MACROH2A2: variants seen among roughly 807,000 people sequenced by gnomAD.
The protein encoded by MACROH2A2 is core histone macro-H2A.2.
MACROH2A2 carries 6 observed loss-of-function variants against 37.6 expected under a neutral mutation model. The observed-to-expected ratio is 0.16, with a 90% CI of 0.09 to 0.32. The LOEUF (loss-of-function observed/expected upper bound fraction) is 0.32. Ranked by LOEUF, MACROH2A2 falls within the 10% of genes least tolerant of loss-of-function variation. The pLI is 1.00. For synonymous variants in MACROH2A2, 192 were observed against 202.7 expected, an observed-to-expected ratio of 0.95 and a Z score of 0.45; for missense variants, 290 against 485.9, an observed-to-expected ratio of 0.60 and a Z score of 3.79.
intron 1 of MACROH2A2, among the ~76,000 whole-genome samples, chr10:70,064,554 C>G (rs909179997): frequency 1.8e-4 from 28 of 151,832 alleles, no homozygotes; most frequent in Admixed American, 3.3e-4. Flanking sequence ...AATTGTGTCT[C>G]CCAGAATTCC....
At chr10:70,069,609 A>C (rs1366001964) in intron 1 of MACROH2A2, among the ~76,000 whole-genome samples, 1 of 152,106 alleles carries the variant, frequency 6.6e-6, no homozygotes, top group African/African-American at 2.4e-5. Flanking sequence ...ATTCTCTCCA[A>C]ACATGTAAAC....
At chr10:70,058,653 T>TAC (rs1491451459) in intron 1 of MACROH2A2, among the ~76,000 whole-genome samples, 10 of 140,752 alleles carry the variant, frequency 7.1e-5, no homozygotes, top group East Asian at 4.3e-4. Flanking sequence ...TATATATATA[T>TAC]ACACACACAC....
At chr10:70,089,429 G>C (rs140607683) in intron 2 of MACROH2A2, among the ~76,000 whole-genome samples, 1 of 152,126 alleles carries the variant, frequency 6.6e-6, no homozygotes, top group Non-Finnish European at 1.5e-5. Flanking sequence ...TCCAGCCATC[G>C]TGTCCTCAGC....
At chr10:70,068,802 A>G (rs539485898) in intron 1 of MACROH2A2, among the ~76,000 whole-genome samples, 58 of 152,284 alleles carry the variant, frequency 3.8e-4, no homozygotes, top group African/African-American at 1.3e-3. Context: ...GCCCCAGTGT[A>G]CCCTGGTGCA....
Position 70,109,150 on chromosome 10 carries a change from C to T in MACROH2A2, c.896C>T (p.Ser299Leu), listed in dbSNP as rs1437861052. Residue 299 changes from serine (S) to leucine (L), a missense_variant, in exon 8 of 9, where the codon TCA becomes TTA. Around this residue, in one of 3 missense-constraint regions of MACROH2A2, gnomAD observed 130 missense variants for 257.1 expected, o/e 0.51. Coordinates refer to ENST00000373255, the MANE Select transcript of MACROH2A2 (RefSeq NM_018649.3). ...QLEETIKNCL[S>L]AAEDKKLKSV... ...GAAGAGACCATCAAAAACTGCCTGTCAGCGGCGGAGGACAAGAAGCTAAAG... is the reference window on the plus strand; with the variant it reads ...GAAGAGACCATCAAAAACTGCCTGTTAGCGGCGGAGGACAAGAAGCTAAAG... 2 of 1,614,070 alleles carry T rather than the reference C, an allele frequency of 1.2e-6. No individual in the cohort carries two copies. The highest frequency in any genetic ancestry group is 2.7e-5 in the African/African-American group (2 of 74,946).
intron 2 of MACROH2A2, among the ~76,000 whole-genome samples, chr10:70,088,764 A>T (rs1011689873): frequency 6.6e-6 from 1 of 152,060 alleles, no homozygotes; most frequent in East Asian, 1.9e-4. Flanking sequence ...CCTTCCATCC[A>T]CTTTTCTTTT....
At chr10:70,077,575 C>T (rs529060038) in intron 2 of MACROH2A2, among the ~76,000 whole-genome samples, 4 of 146,646 alleles carry the variant, frequency 2.7e-5, no homozygotes, top group South Asian at 2.2e-4. Flanking sequence ...AGCGAGACTC[C>T]GTCTCAAAAA....
At chr10:70,101,658 A>G (rs1477322038) in intron 7 of MACROH2A2, among the ~76,000 whole-genome samples, 1 of 143,374 alleles carries the variant, frequency 7.0e-6, no homozygotes, top group Non-Finnish European at 1.5e-5. Context: ...AGTCATGCCC[A>G]GTGCCCCCCT....
rs1278802072 is a variant in MACROH2A2 at position 70,053,956 on chromosome 10, C to T, written c.-60+956C>T. Among the ~76,000 whole-genome samples the T allele has an allele frequency of 6.6e-6, 1 of 152,220 alleles. No homozygotes were observed. Among genetic ancestry groups the T allele is most frequent in the Non-Finnish European group, 1.5e-5 (1 of 68,020 alleles). On this transcript the variant is annotated intron_variant, in intron 1 of 8. Transcript: ENST00000373255. This position sits in a 1 kb window ranked among gnomAD's most constrained non-coding sequence, Gnocchi z 4.8. ...CGCGGCGGTTGGGGACCAGCCCTGCCTCCCCCGGCTCCCAGCCTCCAGCCC... is the reference window on the plus strand; with the variant it reads ...CGCGGCGGTTGGGGACCAGCCCTGCTTCCCCCGGCTCCCAGCCTCCAGCCC...
At chr10:70,095,583 CA>C (rs1286192439) in intron 5 of MACROH2A2, 70 bp from the exon 6 acceptor site, 1 of 779,260 alleles carries the variant, frequency 1.3e-6, no homozygotes, top group African/African-American at 1.7e-5. Context: ...TTAATGAATG[CA>C]AGTAAAATAT....
chr10:70,084,278 A>G (rs1212726704), intron 2 of MACROH2A2, among the ~76,000 whole-genome samples: 2 of 152,242 alleles, frequency 1.3e-5, no homozygotes, highest in Non-Finnish European at 2.9e-5. Context: ...ACACGGCACA[A>G]GAACACACAT....
chr10:70,091,914 G>T lies in MACROH2A2; in HGVS notation c.437G>T (p.Gly146Val), dbSNP rs756357929. Reference sequence around the variant, plus strand: ...AAGGCCACGTCAGGCAAGAAGGGGGGGAAGAAATCCAAGGCTGCCAAACCA... The same window carrying T: ...AAGGCCACGTCAGGCAAGAAGGGGGTGAAGAAATCCAAGGCTGCCAAACCA... ...GRKATSGKKG[G>V]KKSKAAKPRT... The change falls in exon 4 of 9, where the codon GGG becomes GTG. Residue 146 changes from glycine (G) to valine (V), a missense_variant. Gly to Val is a moderately radical substitution (Grantham distance 109). Around this residue, in one of 3 missense-constraint regions of MACROH2A2, gnomAD observed 77 missense variants for 68.9 expected, o/e 1.12. Coordinates refer to ENST00000373255, the MANE Select transcript of MACROH2A2 (RefSeq NM_018649.3). 6.2e-7 allele frequency: 1 copy of T among 1,613,944 alleles called. No individual in the cohort carries two copies. Among genetic ancestry groups the T allele is most frequent in the South Asian group, 1.1e-5 (1 of 91,072 alleles).
At chr10:70,056,248 G>A (rs1447792806) in intron 1 of MACROH2A2, among the ~76,000 whole-genome samples, 2 of 151,804 alleles carry the variant, frequency 1.3e-5, no homozygotes, top group Admixed American at 6.6e-5. Context: ...TGTTTTTTTT[G>A]TTTGTTTTGT....
At chr10:70,091,629 G>A (rs369685947) in intron 3 of MACROH2A2, 128 bp from the exon 4 acceptor site, 47 of 639,462 alleles carry the variant, frequency 7.3e-5, no homozygotes, top group East Asian at 3.7e-4. Context: ...AGCCAAGATC[G>A]CGCCACTGCA....
intron 1 of MACROH2A2, among the ~76,000 whole-genome samples, chr10:70,062,618 C>T (rs1010677085): frequency 2.6e-5 from 4 of 152,158 alleles, no homozygotes; most frequent in Non-Finnish European, 5.9e-5. Context: ...TAAGCCGTCT[C>T]GTGAGTCTAG....
At chr10:70,055,365 A>G (rs2072008671) in intron 1 of MACROH2A2, among the ~76,000 whole-genome samples, 4 of 152,228 alleles carry the variant, frequency 2.6e-5, no homozygotes, top group Admixed American at 2.6e-4. Flanking sequence ...TTGTGGTTAG[A>G]GATCATTCAA....
At chr10:70,110,620 ACG>A (rs2072366017) in intron 8 of MACROH2A2, among the ~76,000 whole-genome samples, 1 of 152,214 alleles carries the variant, frequency 6.6e-6, no homozygotes, top group Non-Finnish European at 1.5e-5. Flanking sequence ...ACGGTGGCTC[ACG>A]CCTGTAAATC....
chr10:70,091,929 C>G lies in MACROH2A2; in HGVS notation c.452C>G (p.Ala151Gly). The G allele has an allele frequency of 1.9e-6, 3 of 1,613,776 alleles. No individual in the cohort carries two copies. The highest frequency in any genetic ancestry group is 2.5e-6 in the Non-Finnish European group (3 of 1,179,988). The change falls in exon 4 of 9, where the codon GCT becomes GGT. Residue 151 changes from alanine (A) to glycine (G), a missense_variant. Ala to Gly is a moderately conservative substitution (Grantham distance 60). Coordinates refer to ENST00000373255, the MANE Select transcript of MACROH2A2 (RefSeq NM_018649.3). ...SGKKGGKKSK[A>G]AKPRTSKKSK... ...AAGAAGGGGGGGAAGAAATCCAAGG[C>G]TGCCAAACCACGGACGTCCAAAAAG...
chr10:70,091,611 C>T, intron 3 of MACROH2A2, 146 bp from the exon 4 acceptor site: 1 of 592,438 alleles, frequency 1.7e-6, no homozygotes, highest in Non-Finnish European at 3.0e-6. Flanking sequence ...GAGGCGGAGG[C>T]TGCAGTGAGC....
Sources: gnomAD v4.1 joint callset for allele counts (sites outside exome capture counted in the v4.1 genomes callset) on GRCh38, gnomAD v4.1.1 for gene constraint, gnomAD v4.1.1 regional missense constraint, Gnocchi (gnomAD v3.1) non-coding constraint, MANE v1.5 for transcripts, NCBI Gene and HGNC (gene_info 2026-07-23, HGNC 2026-07-21) for gene names.